The following ADAM20 variants were observed in gnomAD, a reference collection of about 807,000 sequenced individuals.
ADAM20 encodes ADAM metallopeptidase domain 20.
For missense variants in ADAM20, 871 were observed against 883.2 expected, an observed-to-expected ratio of 0.99 and a Z score of 0.18; for synonymous variants, 305 against 310.2, an observed-to-expected ratio of 0.98 and a Z score of 0.18.
chr14:70,553,579 AT>A, the ADAM20 span, among the ~76,000 whole-genome samples: 29 of 151,154 alleles, frequency 1.9e-4, no homozygotes, highest in African/African-American at 7.0e-4. Context: ...GCATATTAAA[AT>A]GATCATTCAT....
chr14:70,577,991 C>T, the ADAM20 span, among the ~76,000 whole-genome samples: 3 of 151,972 alleles, frequency 2.0e-5, no homozygotes, highest in South Asian at 4.1e-4. Context: ...TTGGATGACA[C>T]CAAAAGCACA....
At chr14:70,562,979 A>G in the ADAM20 span, among the ~76,000 whole-genome samples, 2 of 152,214 alleles carry the variant, frequency 1.3e-5, no homozygotes, top group African/African-American at 4.8e-5. Context: ...ATCTATTTCA[A>G]TGTCTGCCAA....
upstream of ADAM20, among the ~76,000 whole-genome samples, chr14:70,539,955 T>C (rs1341515756): frequency 6.6e-6 from 1 of 152,228 alleles, no homozygotes; most frequent in African/African-American, 2.4e-5. Context: ...GTGTGTCTAT[T>C]ATTTCACAAC....
In ADAM20 at chr14:70,522,589, ATCT is replaced by A; in HGVS notation, c.2166_2168del (p.Glu722del). 1.2e-6 allele frequency: 2 copies of A among 1,603,954 alleles called. No individual in the cohort carries two copies. The highest frequency in any genetic ancestry group is 1.1e-5 in the South Asian group (1 of 89,410). On this transcript the variant is annotated inframe_deletion, in exon 2 of 2. Coordinates refer to ENST00000256389, the MANE Select transcript of ADAM20 (RefSeq NM_003814.5). ...TTTCCCATTTCTCTTATCCTTCTTC[ATCT>A]TCTTTACTTTTTGTGCGTTTCTTAA...
At chr14:70,544,648 T>C in the ADAM20 span, among the ~76,000 whole-genome samples, 1 of 152,052 alleles carries the variant, frequency 6.6e-6, no homozygotes, top group East Asian at 1.9e-4. Flanking sequence ...CATTACACAG[T>C]AGGGTTAACA....
In ADAM20 at chr14:70,522,951, G is replaced by A; in HGVS notation, c.1807C>T (p.Pro603Ser). ...GTDYHLGMAI[P>S]DIGEVKDGTV... ...CCATCTTTCACCTCACCAATATCAG[G>A]TATAGCCATCCCTAAATGATAATCA... is the stretch of plus-strand genomic sequence containing the variant. The change falls in exon 2 of 2, where the codon CCT (proline) becomes TCT (serine). Residue 603 changes from proline to serine, a missense_variant. Pro to Ser is a moderately conservative substitution (Grantham distance 74). Transcript: ENST00000256389. 5.0e-6 allele frequency: 8 copies of A among 1,613,990 alleles called. No individual in the cohort carries two copies. Among genetic ancestry groups the A allele is most frequent in the Non-Finnish European group, 5.9e-6 (7 of 1,179,950 alleles).
At chr14:70,558,154 AAGG>A in the ADAM20 span, among the ~76,000 whole-genome samples, 2 of 152,324 alleles carry the variant, frequency 1.3e-5, no homozygotes, top group African/African-American at 4.8e-5. Context: ...GTAAAATCTG[AAGG>A]AGAAATGGTA....
At chr14:70,569,035 CA>C in the ADAM20 span, among the ~76,000 whole-genome samples, 1 of 151,900 alleles carries the variant, frequency 6.6e-6, no homozygotes, top group African/African-American at 2.4e-5. Flanking sequence ...AGAAAAGGCC[CA>C]AATTACCTAT....
chr14:70,538,593 G>T (rs1489393965), upstream of ADAM20, among the ~76,000 whole-genome samples: 2 of 152,094 alleles, frequency 1.3e-5, no homozygotes, highest in Admixed American at 1.3e-4. Context: ...CATTCTTGGT[G>T]CATGTATGAA....
At chr14:70,527,878 G>A (rs1040859850) in intron 1 of ADAM20, among the ~76,000 whole-genome samples, 2 of 152,102 alleles carry the variant, frequency 1.3e-5, no homozygotes, top group African/African-American at 4.8e-5. Flanking sequence ...TTCTGCTTTA[G>A]GAACTTTGTT....
chr14:70,535,693 G>A (rs1883817958), upstream of ADAM20, among the ~76,000 whole-genome samples: 1 of 152,054 alleles, frequency 6.6e-6, no homozygotes, highest in Non-Finnish European at 1.5e-5. Context: ...ACGCTCCAGA[G>A]CAAAAAGTTC....
At chr14:70,555,465 G>A in the ADAM20 span, among the ~76,000 whole-genome samples, 3 of 152,050 alleles carry the variant, frequency 2.0e-5, no homozygotes, top group African/African-American at 7.3e-5. Flanking sequence ...TCTATAACAT[G>A]CACACTATTT....
At chr14:70,569,913 A>C in the ADAM20 span, among the ~76,000 whole-genome samples, 7 of 134,674 alleles carry the variant, frequency 5.2e-5, no homozygotes, top group Middle Eastern at 4.1e-3. Flanking sequence ...AAAAAAAAAA[A>C]ACACTCTGGA....
chr14:70,573,455 T>A, the ADAM20 span, among the ~76,000 whole-genome samples: 1 of 151,686 alleles, frequency 6.6e-6, no homozygotes, highest in African/African-American at 2.4e-5. Context: ...TGGGAAAGAG[T>A]TGGAAAAACT....
In ADAM20 at chr14:70,526,699, G is replaced by A. The variant is rs78473533; in HGVS notation, c.-176-1766C>T. Reference sequence around the variant, plus strand: ...CAAAGACAAGTCTTAAAGGAACATTGCCTTCCCATTAATTTTGTGAACGGG... The same window carrying A: ...CAAAGACAAGTCTTAAAGGAACATTACCTTCCCATTAATTTTGTGAACGGG... On this transcript the variant is annotated intron_variant, in intron 1 of 1. Coordinates refer to ENST00000256389, the MANE Select transcript of ADAM20 (RefSeq NM_003814.5). 2.8e-3 allele frequency among the ~76,000 whole-genome samples: 423 copies of A among 152,232 alleles called. 1 individual carries two copies. Among genetic ancestry groups the A allele is most frequent in the African/African-American group, 9.9e-3 (413 of 41,550 alleles).
chr14:70,537,938 A>C (rs1331733658), upstream of ADAM20, among the ~76,000 whole-genome samples: 2 of 151,562 alleles, frequency 1.3e-5, no homozygotes, highest in Admixed American at 1.3e-4. Context: ...TTATATCCCA[A>C]CCCTCCCTGT....
chr14:70,546,228 A>T, the ADAM20 span, among the ~76,000 whole-genome samples: 2 of 152,364 alleles, frequency 1.3e-5, no homozygotes, highest in East Asian at 3.9e-4. Context: ...AAGTTTACAG[A>T]TATAAGCACT....
chr14:70,568,745 A>C, the ADAM20 span, among the ~76,000 whole-genome samples: 1 of 152,194 alleles, frequency 6.6e-6, no homozygotes, highest in East Asian at 1.9e-4. Context: ...GGAAGTTTTA[A>C]TAACAGATTA....
chr14:70,555,734 T>C, the ADAM20 span, among the ~76,000 whole-genome samples: 1 of 152,192 alleles, frequency 6.6e-6, no homozygotes, highest in African/African-American at 2.4e-5. Context: ...TCTTCTGAAT[T>C]TACTTTAATT....
Sources: gnomAD v4.1 joint callset for allele counts (sites outside exome capture counted in the v4.1 genomes callset) on GRCh38, gnomAD v4.1.1 for gene constraint, MANE v1.5 for transcripts, NCBI Gene and HGNC (gene_info 2026-07-23, HGNC 2026-07-21) for gene names.